TEKT3: variants seen among roughly 807,000 people sequenced by gnomAD.
The protein encoded by TEKT3 is tektin-3.
A neutral mutation model predicts 49.8 loss-of-function variants in TEKT3; 49 were observed. The ratio of observed to expected loss-of-function variants is 0.98; its 90% confidence interval spans 0.78 to 1.25. TEKT3 has a LOEUF of 1.25. TEKT3 is among the 50% of genes most tolerant of loss of function. TEKT3 has a pLI of 0.00. For synonymous variants in TEKT3, 225 were observed against 237.2 expected, an observed-to-expected ratio of 0.95 and a Z score of 0.47; for missense variants, 595 against 629.5, an observed-to-expected ratio of 0.95 and a Z score of 0.59.
chr17:15,336,796 A>G (rs1210339944), intron 2 of TEKT3, among the ~76,000 whole-genome samples: 11 of 152,198 alleles, frequency 7.2e-5, no homozygotes, highest in African/African-American at 2.7e-4. Flanking sequence ...ACTTTAGAAT[A>G]GCCAGTTCTC....
At position 15,328,031 on chromosome 17, in the gene TEKT3, G is replaced by A. The variant is rs140014086; in HGVS notation, c.624C>T (p.Ile208=). The A allele has an allele frequency of 4.6e-5, 75 of 1,613,886 alleles. No individual in the cohort carries two copies. The highest frequency in any genetic ancestry group is 5.8e-5 in the Non-Finnish European group (69 of 1,179,960). ...CLFHREKRMG[I]DLVHDEVEAQ... is the part of the protein sequence containing the mutation. ...CTTCAACTTCATCGTGAACTAGGTCGATTCCCATTCTCTTTTCTCGATGAA... is the reference window on the plus strand; with the variant it reads ...CTTCAACTTCATCGTGAACTAGGTCAATTCCCATTCTCTTTTCTCGATGAA... Residue 208 remains isoleucine, a synonymous_variant, in exon 4 of 9, where the codon ATC becomes ATT. Transcript: ENST00000395930.
chr17:15,331,845 G>A (rs16951380), intron 2 of TEKT3, among the ~76,000 whole-genome samples: 1 of 151,758 alleles, frequency 6.6e-6, no homozygotes, highest in African/African-American at 2.4e-5. Flanking sequence ...TTGGCCATTT[G>A]GACTTTTGAA....
intron 6 of TEKT3, 84 bp from the exon 7 acceptor site, chr17:15,312,565 A>T: frequency 8.1e-7 from 1 of 1,237,090 alleles, no homozygotes; most frequent in Non-Finnish European, 1.1e-6. Context: ...ATCCTGAGAG[A>T]GAGAAACCCC....
At chr17:15,335,326 T>C (rs982011960) in intron 2 of TEKT3, among the ~76,000 whole-genome samples, 7 of 152,144 alleles carry the variant, frequency 4.6e-5, no homozygotes, top group African/African-American at 1.7e-4. Context: ...CAAGGAACAC[T>C]CCACAAACCT....
chr17:15,322,787 T>C (rs1482384174), intron 4 of TEKT3, among the ~76,000 whole-genome samples: 1 of 152,234 alleles, frequency 6.6e-6, no homozygotes, highest in East Asian at 1.9e-4. Flanking sequence ...GAATTGAATC[T>C]AGCTAATAAG....
At chr17:15,318,197 G>T (rs921255461) in intron 5 of TEKT3, among the ~76,000 whole-genome samples, 20 of 151,856 alleles carry the variant, frequency 1.3e-4, no homozygotes, top group African/African-American at 4.8e-4. Context: ...CATGGTGTTA[G>T]CCAGGATGGT....
rs972447565 is a variant in TEKT3, at chr17:15,313,723, G to T, written c.878+364C>A. Among the ~76,000 whole-genome samples the T allele has an allele frequency of 3.9e-5, 6 of 152,090 alleles. No homozygotes were observed. In the East Asian group the frequency reaches 1.2e-3, roughly 29 times the overall value. ...GGGGTTTCACCATGTTCGTCAGGCTGGTCTCGAACTCCTGACCTCAACTGA... is the reference window on the plus strand; with the variant it reads ...GGGGTTTCACCATGTTCGTCAGGCTTGTCTCGAACTCCTGACCTCAACTGA... On this transcript the variant is annotated intron_variant, in intron 6 of 8. Transcript: ENST00000395930.
chr17:15,334,892 T>C (rs1911919806), intron 2 of TEKT3, among the ~76,000 whole-genome samples: 1 of 152,328 alleles, frequency 6.6e-6, no homozygotes, highest in African/African-American at 2.4e-5. Context: ...TGTCATGAAC[T>C]AAGAAATACT....
intron 8 of TEKT3, among the ~76,000 whole-genome samples, chr17:15,305,213 G>A (rs532009859): frequency 6.6e-6 from 1 of 152,278 alleles, no homozygotes; most frequent in East Asian, 1.9e-4. Context: ...TGGAGCATTC[G>A]CTTCCAAGCC....
intron 3 of TEKT3, among the ~76,000 whole-genome samples, chr17:15,328,680 C>T (rs894654824): frequency 2.0e-5 from 3 of 152,114 alleles, no homozygotes; most frequent in African/African-American, 7.2e-5. Flanking sequence ...ATAATGTTCT[C>T]ACAACTTTAT....
intron 1 of TEKT3, among the ~76,000 whole-genome samples, chr17:15,341,195 C>G (rs1912215712): frequency 6.6e-6 from 1 of 152,194 alleles, no homozygotes; most frequent in Non-Finnish European, 1.5e-5. Flanking sequence ...AGGCACAGCG[C>G]TGCTAACGGG....
chr17:15,314,306 A>G (rs539800966), intron 5 of TEKT3, 76 bp from the exon 6 acceptor site: 1 of 1,574,642 alleles, frequency 6.4e-7, no homozygotes, highest in Middle Eastern at 1.7e-4. Context: ...GTGCCCTTCC[A>G]TATTGGGACC....
intron 7 of TEKT3, among the ~76,000 whole-genome samples, chr17:15,309,671 C>A (rs979048734): frequency 6.6e-6 from 1 of 152,138 alleles, no homozygotes; most frequent in Admixed American, 6.5e-5. Flanking sequence ...ACTCTCCCAT[C>A]CAGTCCCAAC....
chr17:15,328,138 A>G, intron 3 of TEKT3, 63 bp from the exon 4 acceptor site: 1 of 1,459,912 alleles, frequency 6.8e-7, no homozygotes, highest in Non-Finnish European at 9.6e-7. Context: ...TAGCAGCTCT[A>G]ATAATTTGTT....
intron 2 of TEKT3, among the ~76,000 whole-genome samples, chr17:15,333,055 G>T: frequency 2.7e-5 from 4 of 148,710 alleles, no homozygotes; most frequent in South Asian, 2.1e-4. Flanking sequence ...ATATTTTCTG[G>T]GCCACTCCCC....
intron 5 of TEKT3, among the ~76,000 whole-genome samples, chr17:15,314,944 C>G (rs139922453): frequency 6.6e-6 from 1 of 152,286 alleles, no homozygotes; most frequent in East Asian, 1.9e-4. Flanking sequence ...GCCAGGCAGA[C>G]AGGGGACCCA....
chr17:15,330,330 C>G (rs1911669435), intron 3 of TEKT3, among the ~76,000 whole-genome samples: 1 of 152,146 alleles, frequency 6.6e-6, no homozygotes, highest in African/African-American at 2.4e-5. Context: ...CTGCACAAAT[C>G]TCAAGTCAAA....
intron 2 of TEKT3, 98 bp downstream of exon 2, chr17:15,339,930 A>AAC: frequency 6.6e-6 from 1 of 152,166 alleles, no homozygotes; most frequent in South Asian, 2.1e-4. Flanking sequence ...TCAAAAAAAA[A>AAC]AGTTTGGTTA....
At chr17:15,317,262 T>G (rs1295980356) in intron 5 of TEKT3, among the ~76,000 whole-genome samples, 1 of 152,162 alleles carries the variant, frequency 6.6e-6, no homozygotes, top group Middle Eastern at 3.2e-3. Context: ...ATTGAGGCAA[T>G]TTGTAACAGG....
Sources: gnomAD v4.1 joint callset for allele counts (sites outside exome capture counted in the v4.1 genomes callset) on GRCh38, gnomAD v4.1.1 for gene constraint, MANE v1.5 for transcripts, NCBI Gene and HGNC (gene_info 2026-07-23, HGNC 2026-07-21) for gene names.